The following RASEF variants were observed in gnomAD, a reference collection of about 807,000 sequenced individuals.
The protein encoded by RASEF is RAS and EF-hand domain containing.
Under a neutral mutation model 90.1 loss-of-function variants are expected in RASEF, and 68 were observed. The ratio of observed to expected loss-of-function variants is 0.75; its 90% CI spans 0.62 to 0.92. RASEF has a LOEUF of 0.92. Ranked by LOEUF, RASEF falls within the 40% of genes least tolerant of loss-of-function variation. The pLI is 0.00. For synonymous variants in RASEF, 331 were observed against 345.2 expected (o/e 0.96, Z 0.46); for missense variants, 949 against 937.2 (o/e 1.01, Z -0.16).
At chr9:83,156,527 A>G in the RASEF span, among the ~76,000 whole-genome samples, 1 of 152,052 alleles carries the variant, frequency 6.6e-6, no homozygotes. Flanking sequence ...GCCCCATCCA[A>G]TCTTATGATT....
At chr9:83,208,992 T>C in the RASEF span, among the ~76,000 whole-genome samples, 2 of 152,172 alleles carry the variant, frequency 1.3e-5, no homozygotes, top group South Asian at 2.1e-4. Flanking sequence ...ATAACATGAC[T>C]CAGCTTCTGT....
the RASEF span, among the ~76,000 whole-genome samples, chr9:83,093,836 G>T: frequency 6.6e-6 from 1 of 152,238 alleles, no homozygotes; most frequent in Non-Finnish European, 1.5e-5. Flanking sequence ...AGCGAGCGAG[G>T]GGTGTGAGGA....
At chr9:83,161,511 T>C in the RASEF span, among the ~76,000 whole-genome samples, 2 of 152,154 alleles carry the variant, frequency 1.3e-5, no homozygotes, top group Non-Finnish European at 2.9e-5. Context: ...AGGAAATAAC[T>C]AACTTGCTTT....
intron 1 of RASEF, among the ~76,000 whole-genome samples, chr9:83,028,605 T>C (rs541333592): frequency 1.1e-4 from 17 of 152,300 alleles, no homozygotes; most frequent in African/African-American, 3.8e-4. Context: ...TGAAAAGCCA[T>C]GCAGACAGCC....
At chr9:83,067,451 A>G (rs1320085984), upstream of RASEF, among the ~76,000 whole-genome samples, 1 of 152,222 alleles carries the variant, frequency 6.6e-6, no homozygotes, top group East Asian at 1.9e-4. Context: ...TAACACTTAT[A>G]TACTGCTATC....
At chr9:83,034,600 T>C (rs923843744) in intron 1 of RASEF, among the ~76,000 whole-genome samples, 3 of 152,214 alleles carry the variant, frequency 2.0e-5, no homozygotes, top group Non-Finnish European at 4.4e-5. Flanking sequence ...CAATCACTGA[T>C]ATTTAGTTAC....
chr9:83,216,353 C>A, the RASEF span, among the ~76,000 whole-genome samples: 9 of 152,272 alleles, frequency 5.9e-5, no homozygotes, highest in South Asian at 1.0e-3. Context: ...AGGTCCCAGG[C>A]CCCCTTGCTG....
intron 1 of RASEF, chr9:83,055,701 T>A: frequency 1.4e-6 from 1 of 717,088 alleles, no homozygotes; most frequent in South Asian, 1.5e-5. Context: ...ACAAAAGTCA[T>A]CCAAATCTGT....
the RASEF span, among the ~76,000 whole-genome samples, chr9:83,137,067 A>T: frequency 6.4e-4 from 97 of 152,200 alleles, no homozygotes; most frequent in Middle Eastern, 3.4e-3. Flanking sequence ...TTTCATATAG[A>T]TTAATTATAA....
rs1185746388 is a variant in RASEF at position 83,062,304 on chromosome 9, A to C, written c.431+133T>G. On this transcript the variant is annotated intron_variant, in intron 1 of 16. Coordinates refer to ENST00000376447, the MANE Select transcript of RASEF (RefSeq NM_152573.4). ...GGATCTTGGAAAAGTCAAAGCGAGT[A>C]GGTGAAGGAAGACAAGCAACTCACA... The C allele has an allele frequency of 4.9e-6, 4 of 809,962 alleles. 1 individual carries two copies. The highest frequency in any genetic ancestry group is 7.8e-6 in the Non-Finnish European group (4 of 513,080). The allele number at this position is 809,962 out of a possible 1,614,324, so 50.2% of individuals were successfully genotyped here. A position where few individuals can be genotyped will look rare whatever the true frequency, so the allele number is the denominator to read the frequency against.
the RASEF span, among the ~76,000 whole-genome samples, chr9:83,202,787 C>T: frequency 1.3e-5 from 2 of 152,060 alleles, no homozygotes; most frequent in South Asian, 4.1e-4. Flanking sequence ...CCACCACACC[C>T]AGCCAAGAAA....
At chr9:83,150,080 A>T in the RASEF span, among the ~76,000 whole-genome samples, 1 of 152,158 alleles carries the variant, frequency 6.6e-6, no homozygotes, top group African/African-American at 2.4e-5. Context: ...AACCTTGACA[A>T]CTTGCTACAA....
chr9:83,176,809 C>A, the RASEF span, among the ~76,000 whole-genome samples: 7 of 151,900 alleles, frequency 4.6e-5, no homozygotes, highest in African/African-American at 1.7e-4. Flanking sequence ...ACATATTAAC[C>A]TATTAATCTA....
chr9:83,000,749 T>G, intron 10 of RASEF, 147 bp downstream of exon 10: 2 of 900,974 alleles, frequency 2.2e-6, no homozygotes, highest in Non-Finnish European at 3.3e-6. Context: ...AATTTCTCCC[T>G]AACTCTGTGG....
the RASEF span, among the ~76,000 whole-genome samples, chr9:83,182,842 T>C: frequency 1.3e-5 from 2 of 152,134 alleles, no homozygotes; most frequent in Non-Finnish European, 2.9e-5. Context: ...ACATGATATA[T>C]CCATATCATG....
At chr9:83,005,005 C>G (rs1471981453) in intron 8 of RASEF, among the ~76,000 whole-genome samples, 1 of 152,126 alleles carries the variant, frequency 6.6e-6, no homozygotes, top group African/African-American at 2.4e-5. Flanking sequence ...GATAAGAGGT[C>G]TTATGACAAA....
chr9:82,989,893 T>C (rs1256108483), intron 16 of RASEF, among the ~76,000 whole-genome samples: 1 of 152,252 alleles, frequency 6.6e-6, no homozygotes, highest in East Asian at 1.9e-4. Flanking sequence ...AGTTCTTTAA[T>C]GATGCCATTT....
chr9:82,995,411 T>C (rs1828897182), intron 14 of RASEF, among the ~76,000 whole-genome samples: 1 of 152,194 alleles, frequency 6.6e-6, no homozygotes, highest in Non-Finnish European at 1.5e-5. Context: ...TTCACTTGAG[T>C]AGCCATTGCT....
the RASEF span, among the ~76,000 whole-genome samples, chr9:83,159,206 A>C: frequency 6.6e-6 from 1 of 151,850 alleles, no homozygotes; most frequent in African/African-American, 2.4e-5. Flanking sequence ...AAAAAAAAGA[A>C]ATTTATATGC....
Sources: gnomAD v4.1 joint callset for allele counts (sites outside exome capture counted in the v4.1 genomes callset) on GRCh38, gnomAD v4.1.1 for gene constraint, MANE v1.5 for transcripts, NCBI Gene and HGNC (gene_info 2026-07-23, HGNC 2026-07-21) for gene names.